Variants in COL15A1 observed in about 807,000 individuals in gnomAD.
COL15A1 encodes the protein collagen type XV alpha 1 chain, also known as collagen alpha-1(XV) chain.
Under a neutral mutation model 165.9 loss-of-function variants are expected in COL15A1, and 111 were observed. That is an observed-to-expected ratio of 0.67 (90% CI 0.57 to 0.78). The LOEUF is 0.78. Among genes scored for constraint, COL15A1 ranks in the 30% least tolerant of loss-of-function variants. The pLI is 0.00. For synonymous variants in COL15A1, 659 were observed against 674.8 expected (o/e 0.98, Z 0.36); for missense variants, 1,745 against 1,789.7 (o/e 0.98, Z 0.45).
chr9:99,018,987 G>C lies in COL15A1; in HGVS notation c.1648-1402G>C, dbSNP rs528529313. On this transcript the variant is annotated intron_variant, in intron 11 of 41. Coordinates refer to ENST00000375001, the MANE Select transcript of COL15A1 (RefSeq NM_001855.5). ...CTCTGAGAAGGAAGAGAGAGAGAGA[G>C]AGACAGACACAGAGAGAGTTAGAGA... Among the ~76,000 whole-genome samples the C allele has an allele frequency of 9.9e-5, 15 of 152,268 alleles. No homozygotes were observed. The South Asian group carries it at 2.9e-3, about 29-fold the overall frequency.
rs1324710721 is a variant in COL15A1, at chr9:99,000,896, C to G, written c.1010C>G (p.Pro337Arg). The G allele has an allele frequency of 1.9e-6, 3 of 1,606,970 alleles. No individual in the cohort carries two copies. Among genetic ancestry groups the G allele is most frequent in the Non-Finnish European group, 2.6e-6 (3 of 1,173,792 alleles). The change falls in exon 7 of 42, where the codon CCC becomes CGC. Residue 337 changes from proline to arginine, a missense_variant. Transcript: ENST00000375001. The part of the protein sequence containing the change: ...LEGVHSVDGD[P>R]ITDSGSGAGA... ...GGGGTTCATTCTGTGGATGGTGACC[C>G]CATTACTGACAGCGGCTCAGGGGCT...
chr9:99,039,536 T>C (rs897442494), intron 22 of COL15A1, among the ~76,000 whole-genome samples: 1 of 152,006 alleles, frequency 6.6e-6, no homozygotes, highest in Non-Finnish European at 1.5e-5. Flanking sequence ...AAAACCAAAA[T>C]ATACATTATT....
At chr9:99,024,484 C>G (rs1839088331) in intron 14 of COL15A1, among the ~76,000 whole-genome samples, 1 of 151,982 alleles carries the variant, frequency 6.6e-6, no homozygotes, top group South Asian at 2.1e-4. Flanking sequence ...CAGGGTTTCA[C>G]CATGTTAGCT....
chr9:98,993,875 C>T (rs919877008), intron 5 of COL15A1, among the ~76,000 whole-genome samples: 4 of 152,180 alleles, frequency 2.6e-5, no homozygotes, highest in Non-Finnish European at 5.9e-5. Flanking sequence ...CCATCCTCAG[C>T]CTTTCCAGCC....
chr9:98,979,636 C>T (rs1838200480), intron 2 of COL15A1, among the ~76,000 whole-genome samples: 1 of 137,678 alleles, frequency 7.3e-6, no homozygotes, highest in Non-Finnish European at 1.5e-5. Flanking sequence ...TTTGACATTG[C>T]AGGGATTATC....
chr9:99,015,936 G>A (rs1329826255), intron 10 of COL15A1, 40 bp from the exon 11 acceptor site: 11 of 1,603,040 alleles, frequency 6.9e-6, no homozygotes, highest in East Asian at 2.2e-5. Context: ...AGCCTCATGA[G>A]CGAGGTGAGG....
chr9:99,042,026 A>G lies in COL15A1; in HGVS notation c.2512-19A>G, dbSNP rs776159815. On this transcript the variant is annotated intron_variant, in intron 23 of 41. Transcript: ENST00000375001. ...TAATCTTAACGAACAACCAAATACT[A>G]TATAACAATTCCTTCCAGGGTCCTA... is the stretch of plus-strand genomic sequence containing the variant. The G allele has an allele frequency of 4.5e-6, 7 of 1,554,484 alleles. No homozygotes were observed. The highest frequency in any genetic ancestry group is 2.3e-5 in the South Asian group (2 of 88,068).
intron 5 of COL15A1, among the ~76,000 whole-genome samples, chr9:98,994,202 G>A (rs1027058013): frequency 8.5e-5 from 13 of 152,154 alleles, no homozygotes; most frequent in African/African-American, 2.9e-4. Context: ...TGTAGACCTG[G>A]ATGTTCAGCT....
intron 2 of COL15A1, among the ~76,000 whole-genome samples, chr9:98,954,777 C>A (rs913022695): frequency 3.3e-5 from 5 of 152,166 alleles, no homozygotes; most frequent in Non-Finnish European, 7.3e-5. Flanking sequence ...CATATGAGAA[C>A]GCCAAGCCCA....
chr9:98,985,902 C>T lies in COL15A1; in HGVS notation c.438C>T (p.Ser146=), dbSNP rs7045978. 1.2e-3 allele frequency: 1,939 copies of T among 1,613,974 alleles called. 25 individuals carry two copies. The African/African-American group carries it at 0.023, about 19-fold the overall frequency. ...LYYTEPGSHV[S]QEAAAFSVPV... Reference sequence around the variant, plus strand: ...ACACGGAGCCAGGCTCCCATGTGTCCCAAGAGGCTGCTGCCTTCTCGGTGC... The same window carrying T: ...ACACGGAGCCAGGCTCCCATGTGTCTCAAGAGGCTGCTGCCTTCTCGGTGC... The change falls in exon 3 of 42, where the codon TCC becomes TCT. Residue 146 remains serine (S), a synonymous_variant. Coordinates refer to ENST00000375001, the MANE Select transcript of COL15A1 (RefSeq NM_001855.5).
At chr9:99,056,488 T>C in intron 35 of COL15A1, 84 bp downstream of exon 35, 1 of 1,497,842 alleles carries the variant, frequency 6.7e-7, no homozygotes. Context: ...TTGTCACAGC[T>C]GCACTGCCTA....
chr9:99,055,668 G>T (rs182724943), intron 34 of COL15A1, among the ~76,000 whole-genome samples: 1 of 152,344 alleles, frequency 6.6e-6, no homozygotes. Context: ...GATTAATGGT[G>T]AATGCATCAG....
chr9:98,989,406 T>G lies in COL15A1; in HGVS notation c.804+148T>G, dbSNP rs903196798. The G allele has an allele frequency of 4.6e-6, 3 of 655,038 alleles. No homozygotes were observed. The African/African-American group carries it at 5.5e-5, about 12-fold the overall frequency. The allele number at this position is 655,038 out of a possible 1,614,324, so 40.6% of individuals were successfully genotyped here. On this transcript the variant is annotated intron_variant, in intron 5 of 41. Coordinates refer to ENST00000375001, the MANE Select transcript of COL15A1 (RefSeq NM_001855.5). ...GACTCATCTGGGGGGGTCAGGAAAATAATGGCCAATGGGCACTTTGCAAAA... is the reference window on the plus strand; with the variant it reads ...GACTCATCTGGGGGGGTCAGGAAAAGAATGGCCAATGGGCACTTTGCAAAA...
chr9:98,950,873 G>A (rs192660538), intron 2 of COL15A1, among the ~76,000 whole-genome samples: 169 of 152,222 alleles, frequency 1.1e-3, no homozygotes, highest in African/African-American at 3.8e-3. Context: ...AAAGTGCTGG[G>A]ATTACAGGCG....
At chr9:99,061,207 C>T (rs1825809786) in intron 36 of COL15A1, among the ~76,000 whole-genome samples, 1 of 152,144 alleles carries the variant, frequency 6.6e-6, no homozygotes, top group Non-Finnish European at 1.5e-5. Flanking sequence ...TATTTGGTTC[C>T]CTTGGGGATA....
At chr9:98,994,728 A>C (rs1216504497) in intron 5 of COL15A1, among the ~76,000 whole-genome samples, 1 of 152,170 alleles carries the variant, frequency 6.6e-6, no homozygotes, top group Non-Finnish European at 1.5e-5. Flanking sequence ...GCCTGGACTC[A>C]GCAAATTGCA....
rs536256195 is a variant in COL15A1, at chr9:98,991,741, C to T, written c.804+2483C>T. 9.9e-5 allele frequency among the ~76,000 whole-genome samples: 15 copies of T among 151,740 alleles called. No individual in the cohort carries two copies. In the South Asian group the frequency reaches 1.7e-3, roughly 17 times the overall value. On this transcript the variant is annotated intron_variant, in intron 5 of 41. Coordinates refer to ENST00000375001, the MANE Select transcript of COL15A1 (RefSeq NM_001855.5). Reference sequence around the variant, plus strand: ...GCTAGACACAGAGAACTAATTGGTGCGTTTACAAACCTTGAGCTAGACACA... The same window carrying T: ...GCTAGACACAGAGAACTAATTGGTGTGTTTACAAACCTTGAGCTAGACACA...
intron 2 of COL15A1, among the ~76,000 whole-genome samples, chr9:98,976,854 G>A (rs913039175): frequency 1.3e-5 from 2 of 152,102 alleles, no homozygotes; most frequent in South Asian, 2.1e-4. Flanking sequence ...GTGCAGGAGC[G>A]GGAATGCCCA....
At chr9:98,966,998 AT>A (rs1222654072) in intron 2 of COL15A1, among the ~76,000 whole-genome samples, 2 of 152,176 alleles carry the variant, frequency 1.3e-5, no homozygotes, top group African/African-American at 4.8e-5. Context: ...GCACATGTGT[AT>A]TATTTGTACA....
Sources: allele counts gnomAD v4.1 joint callset (sites outside exome capture counted in the v4.1 genomes callset), GRCh38; gene constraint gnomAD v4.1.1; transcripts MANE v1.5; gene names NCBI Gene and HGNC (gene_info 2026-07-23, HGNC 2026-07-21).